The following RTL1 variants were observed in gnomAD, a reference collection of about 807,000 sequenced individuals.
The protein encoded by RTL1 is retrotransposon Gag like 1.
For synonymous variants in RTL1, 727 were observed against 748.4 expected, an observed-to-expected ratio of 0.97 and a Z score of 0.47; for missense variants, 1,681 against 1,767.5, an observed-to-expected ratio of 0.95 and a Z score of 0.88.
intron 3 of RTL1, among the ~76,000 whole-genome samples, chr14:100,887,983 T>C (rs1232403840): frequency 1.3e-5 from 2 of 152,228 alleles, no homozygotes; most frequent in Non-Finnish European, 2.9e-5. Context: ...ACGAGTGGTC[T>C]GATGCTTATT....
chr14:100,885,052 G>A (rs1386937567), intron 3 of RTL1, among the ~76,000 whole-genome samples, 178 bp from the exon 4 acceptor site: 1 of 152,220 alleles, frequency 6.6e-6, no homozygotes, highest in Admixed American at 6.5e-5. Context: ...TGCCCCCAGG[G>A]AGGGAAGATC....
chr14:100,884,131 A>G lies in RTL1; in HGVS notation c.658T>C (p.Cys220Arg), dbSNP rs369518775. The change falls in exon 4 of 4, where the codon TGC becomes CGC. Residue 220 changes from cysteine to arginine, a missense_variant. Coordinates refer to ENST00000649591, the MANE Select transcript of RTL1 (RefSeq NM_001134888.3). Reference sequence around the variant, plus strand: ...GGGTAGCTCTGTAAGGTCAGTTGGCAGAGTACGATGAACTCGTGGAATTCT... The same window carrying G: ...GGGTAGCTCTGTAAGGTCAGTTGGCGGAGTACGATGAACTCGTGGAATTCT... ...RREFHEFIVL[C>R]QLTLQSYPRM... 19 of 1,551,642 alleles carry G rather than the reference A, an allele frequency of 1.2e-5. No homozygotes were observed. Among genetic ancestry groups the G allele is most frequent in the Non-Finnish European group, 1.4e-5 (16 of 1,147,006 alleles).
At position 100,880,625 on chromosome 14, in the gene RTL1, G is replaced by C. The variant is rs886097787; in HGVS notation, c.*87C>G. The stretch of plus-strand genomic sequence containing the variant: ...GAGTGGCAGGAAGGGAAGCGAAGCA[G>C]GCTGAGGCGCGGGGAGGCCAGGGGA... On this transcript the variant is annotated 3_prime_UTR_variant, in exon 4 of 4. Transcript: ENST00000649591. The C allele has an allele frequency of 2.0e-6, 3 of 1,517,520 alleles. No individual in the cohort carries two copies. In the Admixed American group the frequency reaches 6.2e-5, roughly 31 times the overall value. 94.0% of individuals were successfully genotyped at this position (1,517,520 alleles called of 1,614,324 possible).
chr14:100,891,474 G>A (rs1157477450), intron 3 of RTL1, among the ~76,000 whole-genome samples: 1 of 152,194 alleles, frequency 6.6e-6, no homozygotes, highest in Non-Finnish European at 1.5e-5. Context: ...GGGGTCTTCT[G>A]TAGAGGGACC....
rs2038654167 is a variant in RTL1, at chr14:100,883,661, G to T, written c.1128C>A (p.Pro376=). 4 of 1,551,444 alleles carry T rather than the reference G, an allele frequency of 2.6e-6. No homozygotes were observed. The highest frequency in any genetic ancestry group is 3.5e-6 in the Non-Finnish European group (4 of 1,147,002). ...AMLRLPPEAR[P]RNLTWIDSPA... is the part of the protein sequence containing the mutation. Reference sequence around the variant, plus strand: ...GTGAGTCGATCCAGGTCAGGTTCCGGGGGCGGGCCTCGGGGGGCAGCCTGA... The same window carrying T: ...GTGAGTCGATCCAGGTCAGGTTCCGTGGGCGGGCCTCGGGGGGCAGCCTGA... The change falls in exon 4 of 4, where the codon CCC becomes CCA. Residue 376 remains proline (P), a synonymous_variant. Transcript: ENST00000649591. The surrounding 1 kb of genome is among the most constrained non-coding windows in gnomAD (Gnocchi z 5.9).
At chr14:100,890,817 T>C (rs1323264618) in intron 3 of RTL1, among the ~76,000 whole-genome samples, 1 of 152,170 alleles carries the variant, frequency 6.6e-6, no homozygotes, top group African/African-American at 2.4e-5. Context: ...CTCCCTCTGC[T>C]GCCTGGCCTG....
chr14:100,888,062 C>T (rs955960211), intron 3 of RTL1, among the ~76,000 whole-genome samples: 2 of 152,054 alleles, frequency 1.3e-5, no homozygotes, highest in African/African-American at 4.8e-5. Context: ...TCTCTGGAGA[C>T]AAAACCCTCA....
rs769769599 is a variant in RTL1, at chr14:100,882,684, G to A, written c.2105C>T (p.Pro702Leu). 4.5e-6 allele frequency: 7 copies of A among 1,551,866 alleles called. No homozygotes were observed. The highest frequency in any genetic ancestry group is 2.4e-5 in the South Asian group (2 of 84,046). ...LELEEMKSYQ[P>L]FALSPDPIIP... The stretch of plus-strand genomic sequence containing the variant: ...GATAGGGTCTGGGGAGAGCGCAAAC[G>A]GCTGGTAGCTCTTCATCTCTTCAAG... The change falls in exon 4 of 4, where the codon CCG becomes CTG. Residue 702 changes from proline (P) to leucine (L), a missense_variant. Coordinates refer to ENST00000649591, the MANE Select transcript of RTL1 (RefSeq NM_001134888.3).
chr14:100,882,916 C>T lies in RTL1; in HGVS notation c.1873G>A (p.Glu625Lys). 2 of 1,608,386 alleles carry T rather than the reference C, an allele frequency of 1.2e-6. No individual in the cohort carries two copies. Among genetic ancestry groups the T allele is most frequent in the Non-Finnish European group, 1.7e-6 (2 of 1,176,858 alleles). The change falls in exon 4 of 4, where the codon GAA (glutamate) becomes AAA (lysine). Residue 625 changes from glutamate to lysine, a missense_variant. Physicochemically the swap from Glu to Lys is moderately conservative, Grantham distance 56. Coordinates refer to ENST00000649591, the MANE Select transcript of RTL1 (RefSeq NM_001134888.3). ...PWEPVGARMQERARLQEEYWD... is the reference protein window; with the variant it reads ...PWEPVGARMQKRARLQEEYWD... The stretch of plus-strand genomic sequence containing the variant: ...TATTCCTCCTGTAGCCTGGCTCTTT[C>T]TTGCATCCTGGCACCCACAGGTTCC...
chr14:100,897,020 C>T (rs935780941), intron 2 of RTL1, among the ~76,000 whole-genome samples: 3 of 152,198 alleles, frequency 2.0e-5, no homozygotes, highest in Non-Finnish European at 4.4e-5. Flanking sequence ...CCCGTGGGTG[C>T]TGGACAGCTT....
chr14:100,901,527 G>T (rs1203855991), intron 2 of RTL1, among the ~76,000 whole-genome samples: 1 of 152,210 alleles, frequency 6.6e-6, no homozygotes, highest in Non-Finnish European at 1.5e-5. Flanking sequence ...GTCACTGTGT[G>T]AGGAGCTTTC....
intron 2 of RTL1, among the ~76,000 whole-genome samples, chr14:100,894,473 C>T (rs1172401715): frequency 1.3e-5 from 2 of 152,226 alleles, no homozygotes; most frequent in Non-Finnish European, 2.9e-5. Context: ...TGGCTGCGCC[C>T]CAGGCTGCTC....
intron 3 of RTL1, among the ~76,000 whole-genome samples, chr14:100,891,160 G>A (rs1257563697): frequency 6.6e-6 from 1 of 152,202 alleles, no homozygotes; most frequent in East Asian, 1.9e-4. Flanking sequence ...GCCTGGCATA[G>A]CTTATGTTGG....
chr14:100,890,737 C>T (rs146436150), intron 3 of RTL1, among the ~76,000 whole-genome samples: 231 of 152,056 alleles, frequency 1.5e-3, no homozygotes, highest in Middle Eastern at 6.8e-3. Flanking sequence ...GCTCAGAGCT[C>T]CTTGGGTTTG....
chr14:100,886,127 A>G (rs1296804642), intron 3 of RTL1, among the ~76,000 whole-genome samples: 1 of 151,782 alleles, frequency 6.6e-6, no homozygotes, highest in Admixed American at 6.6e-5. Flanking sequence ...TGATTATCTG[A>G]TAGATTAACT....
chr14:100,881,754 C>G lies in RTL1; in HGVS notation c.3035G>C (p.Arg1012Thr). 1 of 1,612,556 alleles carries G rather than the reference C, an allele frequency of 6.2e-7. No individual in the cohort carries two copies. The highest frequency in any genetic ancestry group is 8.5e-7 in the Non-Finnish European group (1 of 1,179,180). Residue 1012 changes from arginine to threonine, a missense_variant, in exon 4 of 4, where the codon AGG (arginine) becomes ACG (threonine). Transcript: ENST00000649591. The surrounding 1 kb of genome is among the most constrained non-coding windows in gnomAD (Gnocchi z 6.6). Reference protein sequence around the residue: ...RRAFQRNTAARQTLLLASRGF... With the variant: ...RRAFQRNTAATQTLLLASRGF... ...CCTTGAGGCCAGCAGCAGGGTTTGC[C>G]TGGCGGCAGTGTTCCTCTGGAAGGC...
At chr14:100,902,052 G>T (rs1021448382) in intron 2 of RTL1, among the ~76,000 whole-genome samples, 2 of 152,158 alleles carry the variant, frequency 1.3e-5, no homozygotes, top group African/African-American at 4.8e-5. Context: ...GCAGGAAACC[G>T]TGCTGCAGCC....
chr14:100,900,718 C>T (rs1294578822), intron 2 of RTL1, among the ~76,000 whole-genome samples: 1 of 152,182 alleles, frequency 6.6e-6, no homozygotes, highest in Non-Finnish European at 1.5e-5. Context: ...CCTTCAGAAC[C>T]CTTTCTGCAC....
At chr14:100,887,775 C>T (rs1231470446) in intron 3 of RTL1, among the ~76,000 whole-genome samples, 1 of 152,052 alleles carries the variant, frequency 6.6e-6, no homozygotes, top group Non-Finnish European at 1.5e-5. Flanking sequence ...CTCTTAATGG[C>T]TGAAGTCCAA....
Sources: gnomAD v4.1 joint callset for allele counts (sites outside exome capture counted in the v4.1 genomes callset) on GRCh38, gnomAD v4.1.1 for gene constraint, Gnocchi (gnomAD v3.1) non-coding constraint, MANE v1.5 for transcripts, NCBI Gene and HGNC (gene_info 2026-07-23, HGNC 2026-07-21) for gene names.